Variants in DECR1 observed in about 807,000 individuals in gnomAD.
DECR1 encodes the protein 2,4-dienoyl-CoA reductase [(3E)-enoyl-CoA-producing], mitochondrial.
Under a neutral mutation model 38.8 loss-of-function variants are expected in DECR1, and 44 were observed. The ratio of observed to expected loss-of-function variants is 1.13; its 90% CI spans 0.89 to 1.46. The LOEUF is 1.46. Ranked by LOEUF, DECR1 falls within the 40% of genes most tolerant of loss-of-function variation. The probability of loss-of-function intolerance (pLI) is 0.00; values close to 1 mark genes in which losing one functional copy is unlikely to be tolerated. For synonymous variants in DECR1, 148 were observed against 135.2 expected (o/e 1.09, Z -0.66); for missense variants, 428 against 405.5 (o/e 1.06, Z -0.48).
intron 8 of DECR1, among the ~76,000 whole-genome samples, chr8:90,045,742 G>A (rs1311001170): frequency 2.0e-5 from 3 of 152,172 alleles, no homozygotes; most frequent in Non-Finnish European, 4.4e-5. Flanking sequence ...CCCTCAACTG[G>A]GCCCTTGACC....
intron 1 of DECR1, among the ~76,000 whole-genome samples, chr8:90,016,526 C>G (rs1477755926): frequency 6.6e-6 from 1 of 151,976 alleles, no homozygotes; most frequent in East Asian, 1.9e-4. Flanking sequence ...CCCAGCTACT[C>G]TACTCGGGAG....
chr8:90,003,115 T>A (rs1485985807), intron 1 of DECR1: 1 of 152,180 alleles, frequency 6.6e-6, no homozygotes, highest in Non-Finnish European at 1.5e-5. Context: ...GAGGTACCTG[T>A]TAGTGTGGTT....
At chr8:90,001,648 C>T in intron 1 of DECR1, 87 bp downstream of exon 1, 1 of 1,295,528 alleles carries the variant, frequency 7.7e-7, no homozygotes, top group Non-Finnish European at 1.1e-6. Context: ...GCTCGGGGAG[C>T]GAGGACAAGG....
intron 5 of DECR1, among the ~76,000 whole-genome samples, chr8:90,035,297 T>A (rs1273408847): frequency 6.6e-6 from 1 of 152,186 alleles, no homozygotes; most frequent in Non-Finnish European, 1.5e-5. Flanking sequence ...CAAGTGCTTT[T>A]TCTTCCTCTG....
At chr8:90,050,721 A>C (rs1292615079) in intron 8 of DECR1, among the ~76,000 whole-genome samples, 2 of 152,242 alleles carry the variant, frequency 1.3e-5, no homozygotes, top group Non-Finnish European at 2.9e-5. Flanking sequence ...AGACACATGC[A>C]CACGTATGTT....
chr8:90,027,912 C>T (rs1813394160), intron 5 of DECR1, among the ~76,000 whole-genome samples: 1 of 151,998 alleles, frequency 6.6e-6, no homozygotes, highest in South Asian at 2.1e-4. Context: ...CCATTGCATT[C>T]CTAGGCTGAA....
In DECR1 at chr8:90,019,139, G is replaced by A. The variant is rs918097217; in HGVS notation, c.384G>A (p.Val128=). The A allele has an allele frequency of 1.9e-6, 3 of 1,614,058 alleles. No individual in the cohort carries two copies. In the African/African-American group the frequency reaches 4.0e-5, roughly 22 times the overall value. ...VRDPDMVQNT[V]SELIKVAGHP... is the part of the protein sequence containing the mutation. ...ATCCTGATATGGTTCAAAACACTGT[G>A]TCAGAACTGATCAAAGTTGCAGGAC... is the stretch of plus-strand genomic sequence containing the variant. Residue 128 remains valine (V), a synonymous_variant, in exon 4 of 10, where the codon GTG becomes GTA. Coordinates refer to ENST00000220764, the MANE Select transcript of DECR1 (RefSeq NM_001359.2).
At position 90,052,768 on chromosome 8, in the gene DECR1, A is replaced by C. The variant is rs553588674; in HGVS notation, c.*871A>C. 6.6e-6 allele frequency among the ~76,000 whole-genome samples: 1 copy of C among 152,344 alleles called. No homozygotes were observed. The highest frequency in any genetic ancestry group is 1.9e-4 in the East Asian group (1 of 5,184). ...GAAAATCAAATAATAATGAATCCAAAGTCTCAAGTCTACAGAGCTATACTT... is the reference window on the plus strand; with the variant it reads ...GAAAATCAAATAATAATGAATCCAACGTCTCAAGTCTACAGAGCTATACTT... On this transcript the variant is annotated 3_prime_UTR_variant, in exon 10 of 10. Coordinates refer to ENST00000220764, the MANE Select transcript of DECR1 (RefSeq NM_001359.2).
rs779373735 is a variant in DECR1, at chr8:90,019,182, G to A, written c.417+10G>A. The stretch of plus-strand genomic sequence containing the variant: ...TGCAGGACATCCTAATGTAAGTGTA[G>A]CAATGATGAAGCCAAAGTGCAAGAC... On this transcript the variant is annotated intron_variant, in intron 4 of 9. Coordinates refer to ENST00000220764, the MANE Select transcript of DECR1 (RefSeq NM_001359.2). 2 of 1,611,638 alleles carry A rather than the reference G, an allele frequency of 1.2e-6. No homozygotes were observed. The highest frequency in any genetic ancestry group is 2.2e-5 in the South Asian group (2 of 90,986).
At chr8:90,002,483 A>C (rs897322647) in intron 1 of DECR1, among the ~76,000 whole-genome samples, 1 of 151,914 alleles carries the variant, frequency 6.6e-6, no homozygotes, top group African/African-American at 2.4e-5. Flanking sequence ...AAGAAAGAGA[A>C]ACAAAAACAA....
intron 1 of DECR1, among the ~76,000 whole-genome samples, chr8:90,014,760 G>A (rs1812965720): frequency 6.6e-6 from 1 of 152,100 alleles, no homozygotes; most frequent in South Asian, 2.1e-4. Flanking sequence ...TTATGGGAAA[G>A]CCTTCAGAAA....
chr8:90,013,966 A>T (rs560060679), intron 1 of DECR1, among the ~76,000 whole-genome samples: 1 of 152,220 alleles, frequency 6.6e-6, no homozygotes, highest in South Asian at 2.1e-4. Context: ...TGTTTATATG[A>T]TGTAGGAGAG....
chr8:90,018,884 A>G, intron 2 of DECR1, 25 bp from the exon 3 acceptor site: 1 of 1,528,808 alleles, frequency 6.5e-7, no homozygotes, highest in Middle Eastern at 1.7e-4. Context: ...TATAATATGA[A>G]GTCATACAAG....
Position 90,017,004 on chromosome 8 carries a change from C to T in DECR1, c.70-120C>T, listed in dbSNP as rs1813023992. ...ATTAAGTACAATACCAATATGTTTG[C>T]AGTGAGTTTGTGTTAATACAAGAAT... On this transcript the variant is annotated intron_variant, in intron 1 of 9. Coordinates refer to ENST00000220764, the MANE Select transcript of DECR1 (RefSeq NM_001359.2). 4 of 665,242 alleles carry T rather than the reference C, an allele frequency of 6.0e-6. No homozygotes were observed. In the South Asian group the frequency reaches 7.7e-5, roughly 13 times the overall value. The allele number at this position is 665,242 out of a possible 1,614,324, so 41.2% of individuals were successfully genotyped here. A position where few individuals can be genotyped will look rare whatever the true frequency, so the allele number is the denominator to read the frequency against.
intron 6 of DECR1, among the ~76,000 whole-genome samples, chr8:90,042,153 T>A (rs1026559588): frequency 3.9e-5 from 6 of 152,320 alleles, no homozygotes; most frequent in African/African-American, 1.4e-4. Context: ...AACAATTATA[T>A]TAAAGCCTAG....
chr8:90,051,555 AT>A (rs1421785439), intron 8 of DECR1, 121 bp from the exon 9 acceptor site: 2 of 681,478 alleles, frequency 2.9e-6, no homozygotes, highest in East Asian at 5.5e-5. Flanking sequence ...TATCTTTAAA[AT>A]TTGGGCTTGA....
chr8:90,041,741 G>A (rs1315625353), intron 6 of DECR1, among the ~76,000 whole-genome samples: 1 of 152,092 alleles, frequency 6.6e-6, no homozygotes, highest in Non-Finnish European at 1.5e-5. Context: ...AATTTGTGAT[G>A]TGACTATTGC....
chr8:90,032,042 G>GT (rs1416371285), intron 5 of DECR1, among the ~76,000 whole-genome samples: 1 of 152,004 alleles, frequency 6.6e-6, no homozygotes, highest in Non-Finnish European at 1.5e-5. Context: ...TTATAATTCT[G>GT]TTTTTTTCAA....
At chr8:90,001,657 G>A in intron 1 of DECR1, 96 bp downstream of exon 1, 4 of 1,154,494 alleles carry the variant, frequency 3.5e-6, no homozygotes, top group Non-Finnish European at 4.9e-6. Flanking sequence ...GCGAGGACAA[G>A]GCATCCTGGG....
Sources: gnomAD v4.1 joint callset for allele counts (sites outside exome capture counted in the v4.1 genomes callset) on GRCh38, gnomAD v4.1.1 for gene constraint, MANE v1.5 for transcripts, NCBI Gene and HGNC (gene_info 2026-07-23, HGNC 2026-07-21) for gene names.